CYP39A1: variants seen among roughly 807,000 people sequenced by gnomAD.
CYP39A1 encodes the protein cytochrome P450 family 39 subfamily A member 1, also known as 24-hydroxycholesterol 7-alpha-hydroxylase.
A neutral mutation model predicts 58.1 loss-of-function variants in CYP39A1; 49 were observed. That is an observed-to-expected ratio of 0.84 (90% CI 0.67 to 1.07). The LOEUF (loss-of-function observed/expected upper bound fraction) is 1.07, where lower values mean the gene tolerates loss of function less well. CYP39A1 is among the 50% of genes least tolerant of loss of function. The pLI, the probability that CYP39A1 is intolerant of heterozygous loss-of-function variation, is 0.00. For missense variants in CYP39A1, 531 were observed against 539.4 expected (o/e 0.98, Z 0.16); for synonymous variants, 209 against 187.6 (o/e 1.11, Z -0.93).
At chr6:46,623,879 G>A (rs1430414221) in intron 7 of CYP39A1, among the ~76,000 whole-genome samples, 1 of 152,006 alleles carries the variant, frequency 6.6e-6, no homozygotes, top group Non-Finnish European at 1.5e-5. Context: ...TAAAAAAAAA[G>A]TTTGATGTCT....
intron 10 of CYP39A1, among the ~76,000 whole-genome samples, chr6:46,565,122 C>T (rs1387677486): frequency 6.6e-6 from 1 of 152,046 alleles, no homozygotes; most frequent in Non-Finnish European, 1.5e-5. Flanking sequence ...GGACAGGGCC[C>T]AGGAACTTGC....
intron 7 of CYP39A1, among the ~76,000 whole-genome samples, chr6:46,623,037 A>G (rs1414167063): frequency 6.6e-6 from 1 of 152,190 alleles, no homozygotes; most frequent in Non-Finnish European, 1.5e-5. Context: ...AGCCACAGAG[A>G]TACAGCATTG....
chr6:46,635,809 T>C (rs1448075585), intron 5 of CYP39A1, among the ~76,000 whole-genome samples: 2 of 152,052 alleles, frequency 1.3e-5, no homozygotes, highest in Non-Finnish European at 2.9e-5. Context: ...GCAATTCTCC[T>C]GCGTCGGCCC....
At chr6:46,550,992 T>C (rs1770366327) in intron 11 of CYP39A1, among the ~76,000 whole-genome samples, 1 of 152,086 alleles carries the variant, frequency 6.6e-6, no homozygotes, top group African/African-American at 2.4e-5. Context: ...AAATAAGATA[T>C]GAAACTGTGT....
At chr6:46,622,339 A>G (rs1259844900) in intron 7 of CYP39A1, among the ~76,000 whole-genome samples, 2 of 151,980 alleles carry the variant, frequency 1.3e-5, no homozygotes, top group Non-Finnish European at 2.9e-5. Context: ...ATTATCTATG[A>G]TTATATATAT....
At chr6:46,649,690 A>G (rs1241768683) in intron 1 of CYP39A1, among the ~76,000 whole-genome samples, 1 of 152,244 alleles carries the variant, frequency 6.6e-6, no homozygotes, top group Non-Finnish European at 1.5e-5. Context: ...CTATGAAACA[A>G]TATATAAGAA....
rs73471146 is a variant in CYP39A1 at position 46,644,166 on chromosome 6, C to T, written c.178-1868G>A. On this transcript the variant is annotated intron_variant, in intron 1 of 11. Transcript: ENST00000275016. ...TACCTTCTCATTAATCCTTGGCAAC[C>T]ACTAATCTGTTCTCCACTTCTATAA... 2.4e-3 allele frequency among the ~76,000 whole-genome samples: 360 copies of T among 152,252 alleles called. 3 individuals carry two copies. Among genetic ancestry groups the T allele is most frequent in the African/African-American group, 8.1e-3 (338 of 41,546 alleles).
rs577993791 is a variant in CYP39A1 at position 46,642,262 on chromosome 6, G to A, written c.214C>T (p.Arg72Ter). The change falls in exon 2 of 12, where the codon CGA becomes TGA. Residue 72 changes from arginine to a stop codon, truncating the protein, a stop_gained. Transcript: ENST00000275016. LOFTEE classifies it high-confidence loss of function. ...TCTTCTTCAGTAACAAAGGTCATTC[G>A]GTTTCCCATAGCAAAGACTGTAAAT... ...PIFTVFAMGN[R>*]MTFVTEEEGI... 5.0e-6 allele frequency: 8 copies of A among 1,612,660 alleles called. No individual in the cohort carries two copies. Among genetic ancestry groups the A allele is most frequent in the African/African-American group, 1.3e-5 (1 of 74,960 alleles).
rs200248570 is a variant in CYP39A1, at chr6:46,652,374, C to T, written c.177+32G>A. On this transcript the variant is annotated intron_variant, in intron 1 of 11. Transcript: ENST00000275016. Reference sequence around the variant, plus strand: ...AGTTTAAAAAAGAAAGCATTGTCTCCTCTGGAGACCCCGTCTGCCACGACC... The same window carrying T: ...AGTTTAAAAAAGAAAGCATTGTCTCTTCTGGAGACCCCGTCTGCCACGACC... 142 of 1,584,224 alleles carry T rather than the reference C, an allele frequency of 9.0e-5. 3 individuals carry two copies. The East Asian group carries it at 1.6e-3, about 18-fold the overall frequency.
chr6:46,631,943 C>A (rs1582442135), intron 5 of CYP39A1, among the ~76,000 whole-genome samples: 1 of 152,298 alleles, frequency 6.6e-6, no homozygotes, highest in East Asian at 1.9e-4. Flanking sequence ...AGTTACTCAT[C>A]TACTTTTAAT....
rs1187103078 is a variant in CYP39A1 at position 46,639,824 on chromosome 6, C to T, written c.314-156G>A. Among the ~76,000 whole-genome samples, 4 of 152,206 alleles carry T rather than the reference C, an allele frequency of 2.6e-5. 1 individual carries two copies. Among genetic ancestry groups the T allele is most frequent in the Admixed American group, 2.6e-4 (4 of 15,278 alleles). Reference sequence around the variant, plus strand: ...TAAATAAAAGTAGATAAAGATTCAACCTATTCTCGACTGAGTGTGGTGGCT... The same window carrying T: ...TAAATAAAAGTAGATAAAGATTCAATCTATTCTCGACTGAGTGTGGTGGCT... On this transcript the variant is annotated intron_variant, in intron 2 of 11. Coordinates refer to ENST00000275016, the MANE Select transcript of CYP39A1 (RefSeq NM_016593.5).
At chr6:46,598,142 T>C (rs1484830188) in intron 7 of CYP39A1, among the ~76,000 whole-genome samples, 2 of 152,064 alleles carry the variant, frequency 1.3e-5, no homozygotes, top group African/African-American at 4.8e-5. Context: ...ATACGAAAAA[T>C]GCTACATGTT....
At chr6:46,562,307 G>A (rs1464946431) in intron 10 of CYP39A1, among the ~76,000 whole-genome samples, 1 of 151,948 alleles carries the variant, frequency 6.6e-6, no homozygotes, top group African/African-American at 2.4e-5. Context: ...ATAGGCATGA[G>A]CCACTGTGTC....
chr6:46,559,184 G>A (rs1364303400), intron 10 of CYP39A1, among the ~76,000 whole-genome samples: 2 of 152,116 alleles, frequency 1.3e-5, no homozygotes, highest in Non-Finnish European at 2.9e-5. Context: ...AAGTCCCAAG[G>A]ACAACCATGG....
intron 10 of CYP39A1, among the ~76,000 whole-genome samples, chr6:46,560,621 G>A (rs1303130722): frequency 1.3e-5 from 2 of 152,156 alleles, no homozygotes; most frequent in African/African-American, 4.8e-5. Context: ...AGAAGATGTT[G>A]AATGGAAGCT....
chr6:46,568,157 T>C (rs1771396187), intron 10 of CYP39A1, among the ~76,000 whole-genome samples: 2 of 152,268 alleles, frequency 1.3e-5, no homozygotes, highest in South Asian at 4.1e-4. Context: ...TAATGATTAG[T>C]GATGTTGAGC....
intron 7 of CYP39A1, among the ~76,000 whole-genome samples, chr6:46,600,100 T>C (rs1344638002): frequency 1.3e-5 from 2 of 151,844 alleles, no homozygotes; most frequent in Admixed American, 6.6e-5. Flanking sequence ...TCATACATAA[T>C]AAGCCCCTTT....
At position 46,622,268 on chromosome 6, in the gene CYP39A1, A is replaced by G. The variant is rs148700156; in HGVS notation, c.931+3150T>C. Among the ~76,000 whole-genome samples the G allele has an allele frequency of 2.1e-3, 313 of 152,206 alleles. 2 individuals are homozygous for G. Among genetic ancestry groups the G allele is most frequent in the African/African-American group, 7.4e-3 (307 of 41,538 alleles). ...AGACAGTGTTGATGGTTGCAATCTT[A>G]TAAATATACTAAAAACTACTACATT... On this transcript the variant is annotated intron_variant, in intron 7 of 11. Coordinates refer to ENST00000275016, the MANE Select transcript of CYP39A1 (RefSeq NM_016593.5).
chr6:46,563,311 T>G (rs2150485708), intron 10 of CYP39A1, among the ~76,000 whole-genome samples: 1 of 152,306 alleles, frequency 6.6e-6, no homozygotes, highest in East Asian at 1.9e-4. Flanking sequence ...AGGTAAGTAA[T>G]GTTTTCTTAA....
Sources: gnomAD v4.1 joint callset for allele counts (sites outside exome capture counted in the v4.1 genomes callset) on GRCh38, gnomAD v4.1.1 for gene constraint, MANE v1.5 for transcripts, NCBI Gene and HGNC (gene_info 2026-07-23, HGNC 2026-07-21) for gene names.